XRN1: variants seen among roughly 807,000 people sequenced by gnomAD.
XRN1 encodes the protein 5'-3' exoribonuclease 1.
Under a neutral mutation model 222.3 loss-of-function variants are expected in XRN1, and 67 were observed. That is an observed-to-expected ratio of 0.30 (90% CI 0.25 to 0.37). The LOEUF (loss-of-function observed/expected upper bound fraction) is 0.37. Ranked by LOEUF, XRN1 falls within the 10% of genes least tolerant of loss-of-function variation. The pLI is 1.00. For synonymous variants in XRN1, 643 were observed against 652.4 expected, an observed-to-expected ratio of 0.99 and a Z score of 0.22; for missense variants, 1,707 against 2,000.2, an observed-to-expected ratio of 0.85 and a Z score of 2.80.
At chr3:142,390,670 T>C (rs1364725349) in intron 20 of XRN1, among the ~76,000 whole-genome samples, 1 of 152,234 alleles carries the variant, frequency 6.6e-6, no homozygotes, top group Non-Finnish European at 1.5e-5. Flanking sequence ...TTGCTTATCA[T>C]TGGTGTATTC....
intron 37 of XRN1, among the ~76,000 whole-genome samples, chr3:142,325,231 T>C (rs570060779): frequency 3.0e-4 from 45 of 152,268 alleles, no homozygotes; most frequent in African/African-American, 1.0e-3. Context: ...CCAGCATCCA[T>C]TATTGCCTGT....
At chr3:142,410,487 G>GT (rs751870329) in intron 15 of XRN1, among the ~76,000 whole-genome samples, 4,298 of 68,060 alleles carry the variant, frequency 0.063, 915 homozygotes, top group Middle Eastern at 0.14. Flanking sequence ...TCTATCTCAT[G>GT]TTTTTTTTTT....
chr3:142,325,174 C>T (rs1577221860), intron 37 of XRN1, among the ~76,000 whole-genome samples: 2 of 152,116 alleles, frequency 1.3e-5, no homozygotes, highest in Admixed American at 6.6e-5. Context: ...TACTAATTTA[C>T]GTTTCCACCA....
chr3:142,375,309 T>C (rs1012427161), intron 25 of XRN1, among the ~76,000 whole-genome samples: 4 of 152,226 alleles, frequency 2.6e-5, no homozygotes, highest in Non-Finnish European at 5.9e-5. Flanking sequence ...CTGTAAATCT[T>C]TGTCACTAGT....
Position 142,333,070 on chromosome 3 carries a change from T to C in XRN1, c.3959A>G (p.Asn1320Ser). Reference protein sequence around the residue: ...SNKQPNSGIENFLASLNISKE... With the variant: ...SNKQPNSGIESFLASLNISKE... ...GGAGATATTCAAAGATGCTAAAAAG[T>C]TCTCAATTCCAGAGTTAGGCTAAAA... is the stretch of plus-strand genomic sequence containing the variant. Residue 1320 changes from asparagine (N) to serine (S), a missense_variant, in exon 35 of 41, where the codon AAC becomes AGC. Transcript: ENST00000392981. The C allele has an allele frequency of 6.2e-7, 1 of 1,612,684 alleles. No individual in the cohort carries two copies. Among genetic ancestry groups the C allele is most frequent in the Non-Finnish European group, 8.5e-7 (1 of 1,179,300 alleles).
chr3:142,419,521 G>A (rs930295103), intron 10 of XRN1, among the ~76,000 whole-genome samples: 1 of 151,984 alleles, frequency 6.6e-6, no homozygotes, highest in Admixed American at 6.6e-5. Flanking sequence ...AAGCTCAACA[G>A]AATCTTGGCC....
intron 22 of XRN1, among the ~76,000 whole-genome samples, chr3:142,380,741 A>G (rs1359723519): frequency 1.3e-5 from 2 of 151,640 alleles, no homozygotes; most frequent in Admixed American, 6.6e-5. Context: ...GACTTGCTGC[A>G]CTTGCCTTCC....
chr3:142,423,617 T>C lies in XRN1; in HGVS notation c.653A>G (p.Glu218Gly), dbSNP rs375741470. ...TTCTCTTAAGAGAGAAAAATGTGCC[T>C]CATGACTTGTTAATCCAAGCATAAT... ...DLIMLGLTSH[E>G]AHFSLLREEV... The change falls in exon 6 of 41, where the codon GAG becomes GGG. Residue 218 changes from glutamate to glycine, a missense_variant. Coordinates refer to ENST00000392981, the MANE Select transcript of XRN1 (RefSeq NM_001282857.2). 1 of 1,596,648 alleles carries C rather than the reference T, an allele frequency of 6.3e-7. No individual in the cohort carries two copies. The highest frequency in any genetic ancestry group is 1.3e-5 in the African/African-American group (1 of 74,092).
intron 12 of XRN1, 184 bp downstream of exon 12, chr3:142,418,320 G>A (rs982382740): frequency 2.1e-6 from 1 of 465,952 alleles, no homozygotes; most frequent in African/African-American, 2.0e-5. Flanking sequence ...TTTTATCACA[G>A]GAATATAATA....
intron 20 of XRN1, among the ~76,000 whole-genome samples, chr3:142,387,718 C>T (rs967601988): frequency 6.6e-6 from 1 of 152,130 alleles, no homozygotes; most frequent in African/African-American, 2.4e-5. Flanking sequence ...AATCCAATCC[C>T]TAATGTTGGA....
chr3:142,414,641 G>A (rs865988888), intron 13 of XRN1, among the ~76,000 whole-genome samples: 32 of 151,868 alleles, frequency 2.1e-4, no homozygotes, highest in Non-Finnish European at 4.0e-4. Flanking sequence ...GACTACAGGC[G>A]CCTGCCACTA....
At chr3:142,381,484 T>C (rs1039860060) in intron 22 of XRN1, among the ~76,000 whole-genome samples, 3 of 151,944 alleles carry the variant, frequency 2.0e-5, no homozygotes, top group Non-Finnish European at 2.9e-5. Flanking sequence ...TTAATTGTCA[T>C]ATCTCTTTAG....
intron 1 of XRN1, among the ~76,000 whole-genome samples, chr3:142,434,577 G>T (rs1421691536): frequency 7.0e-6 from 1 of 142,396 alleles, no homozygotes; most frequent in African/African-American, 2.6e-5. Flanking sequence ...GAATAAATAT[G>T]CAATAATAGC....
chr3:142,425,649 A>T, intron 3 of XRN1, 111 bp from the exon 4 acceptor site: 1 of 824,244 alleles, frequency 1.2e-6, no homozygotes, highest in East Asian at 2.7e-5. Context: ...AGGTAGGTAT[A>T]GGATCTCCAA....
chr3:142,376,678 TAATC>T (rs1012633745), intron 23 of XRN1, 84 bp from the exon 24 acceptor site: 33 of 963,120 alleles, frequency 3.4e-5, no homozygotes, highest in Admixed American at 1.2e-4. Flanking sequence ...AATCTGGAGA[TAATC>T]AAGACATCAC....
At chr3:142,316,895 T>G (rs773042675) in intron 39 of XRN1, among the ~76,000 whole-genome samples, 1 of 152,032 alleles carries the variant, frequency 6.6e-6, no homozygotes, top group Non-Finnish European at 1.5e-5. Context: ...TAGTGAGACC[T>G]TGTTGCTTAA....
intron 11 of XRN1, 99 bp downstream of exon 11, chr3:142,418,716 C>G (rs2068884610): frequency 2.0e-6 from 3 of 1,476,770 alleles, no homozygotes; most frequent in Non-Finnish European, 2.8e-6. Flanking sequence ...TATGCTATCA[C>G]AGAAATCTGT....
Position 142,418,782 on chromosome 3 carries a change from A to G in XRN1, c.1240+33T>C, listed in dbSNP as rs143073824. 4,736 of 1,602,222 alleles carry G rather than the reference A, an allele frequency of 3.0e-3. 10 individuals carry two copies. The highest frequency in any genetic ancestry group is 3.6e-3 in the Non-Finnish European group (4,169 of 1,170,208). ...GGTATAACAATTATCCTGTCAAAGTAGTAACATATCAAAACACATACTTCA... is the reference window on the plus strand; with the variant it reads ...GGTATAACAATTATCCTGTCAAAGTGGTAACATATCAAAACACATACTTCA... On this transcript the variant is annotated intron_variant, in intron 11 of 40. Transcript: ENST00000392981.
At chr3:142,356,339 G>A (rs1307806878) in intron 31 of XRN1, among the ~76,000 whole-genome samples, 3 of 152,038 alleles carry the variant, frequency 2.0e-5, no homozygotes, top group African/African-American at 7.2e-5. Flanking sequence ...CTACTTATCT[G>A]TGTTTTCCAA....
Sources: allele counts gnomAD v4.1 joint callset (sites outside exome capture counted in the v4.1 genomes callset), GRCh38; gene constraint gnomAD v4.1.1; transcripts MANE v1.5; gene names NCBI Gene and HGNC (gene_info 2026-07-23, HGNC 2026-07-21).